OR52I1: variants seen among roughly 807,000 people sequenced by gnomAD.
OR52I1 encodes olfactory receptor family 52 subfamily I member 1, also known as olfactory receptor 52I1.
For synonymous variants in OR52I1, 148 were observed against 152.4 expected (o/e 0.97, Z 0.21); for missense variants, 342 against 399.1 (o/e 0.86, Z 1.22).
Position 4,594,179 on chromosome 11 carries a change from C to T in OR52I1, c.141C>T (p.Thr47=). 2.5e-6 allele frequency: 4 copies of T among 1,614,030 alleles called. No individual in the cohort carries two copies. Among genetic ancestry groups the T allele is most frequent in the South Asian group, 1.1e-5 (1 of 91,070 alleles). The part of the protein sequence containing the change: ...AMYITALLGN[T]LIVTAIWMDS... ...ACATCACAGCCCTGTTAGGAAACAC[C>T]CTCATCGTGACTGCAATCTGGATGG... The change falls in exon 1 of 1, where the codon ACC becomes ACT. Residue 47 remains threonine, a synonymous_variant. Transcript: ENST00000530443.
At position 4,594,478 on chromosome 11, in the gene OR52I1, G is replaced by C; in HGVS notation, c.440G>C (p.Gly147Ala). The C allele has an allele frequency of 3.7e-6, 6 of 1,614,186 alleles. No homozygotes were observed. Among genetic ancestry groups the C allele is most frequent in the Middle Eastern group, 1.6e-4 (1 of 6,062 alleles). Residue 147 changes from glycine to alanine, a missense_variant, in exon 1 of 1, where the codon GGA (glycine) becomes GCA (alanine). By Grantham distance (60) the Gly-to-Ala change is moderately conservative. Transcript: ENST00000530443. ...ATTCTCACGCCTCAAGTGATGCTGG[G>C]AATGAGTATGGCCGTCACCATCAGA... ...KRILTPQVML[G>A]MSMAVTIRAV... is the part of the protein sequence containing the mutation.
rs202168611 is a variant in OR52I1 at position 4,594,460 on chromosome 11, C to T, written c.422C>T (p.Thr141Met). 130 of 1,613,992 alleles carry T rather than the reference C, an allele frequency of 8.1e-5. No individual in the cohort carries two copies. Among genetic ancestry groups the T allele is most frequent in the South Asian group, 2.6e-4 (24 of 91,070 alleles). ...CCTCTACACTACAAGAGAATTCTCACGCCTCAAGTGATGCTGGGAATGAGT... is the reference window on the plus strand; with the variant it reads ...CCTCTACACTACAAGAGAATTCTCATGCCTCAAGTGATGCTGGGAATGAGT... ...CKPLHYKRIL[T>M]PQVMLGMSMA... Residue 141 changes from threonine (T) to methionine (M), a missense_variant, in exon 1 of 1, where the codon ACG becomes ATG. Transcript: ENST00000530443.
At position 4,594,868 on chromosome 11, in the gene OR52I1, C is replaced by A; in HGVS notation, c.830C>A (p.Thr277Asn). 6.2e-7 allele frequency: 1 copy of A among 1,614,250 alleles called. No homozygotes were observed. The highest frequency in any genetic ancestry group is 8.5e-7 in the Non-Finnish European group (1 of 1,180,048). Residue 277 changes from threonine to asparagine, a missense_variant, in exon 1 of 1, where the codon ACC (threonine) becomes AAC (asparagine). Thr to Asn is a moderately conservative substitution (Grantham distance 65). Coordinates refer to ENST00000530443, the MANE Select transcript of OR52I1 (RefSeq NM_001005169.1). ...WLGQDIVPLHTQVLLADLYVI... is the reference protein window; with the variant it reads ...WLGQDIVPLHNQVLLADLYVI... Reference sequence around the variant, plus strand: ...GGGCAGGATATAGTGCCCTTGCACACCCAAGTGCTGCTAGCTGACCTGTAC... The same window carrying A: ...GGGCAGGATATAGTGCCCTTGCACAACCAAGTGCTGCTAGCTGACCTGTAC...
chr11:4,594,840 T>C lies in OR52I1; in HGVS notation c.802T>C (p.Leu268=), dbSNP rs1056909628. ...PGMASIYAAW[L]GQDIVPLHTQ... The stretch of plus-strand genomic sequence containing the variant: ...GATGGCATCCATCTATGCGGCCTGG[T>C]TGGGGCAGGATATAGTGCCCTTGCA... Residue 268 remains leucine, a synonymous_variant, in exon 1 of 1, where the codon TTG becomes CTG. Transcript: ENST00000530443. 3 of 1,614,128 alleles carry C rather than the reference T, an allele frequency of 1.9e-6. No homozygotes were observed. In the East Asian group the frequency reaches 6.7e-5, roughly 36 times the overall value.
In OR52I1 at chr11:4,594,833, G is replaced by T. The variant is rs367932093; in HGVS notation, c.795G>T (p.Ala265=). ...YYLPGMASIY[A]AWLGQDIVPL... is the part of the protein sequence containing the mutation. ...TACCTGGGATGGCATCCATCTATGC[G>T]GCCTGGTTGGGGCAGGATATAGTGC... is the stretch of plus-strand genomic sequence containing the variant. Residue 265 remains alanine, a synonymous_variant, in exon 1 of 1, where the codon GCG becomes GCT. Transcript: ENST00000530443. 1 of 1,614,196 alleles carries T rather than the reference G, an allele frequency of 6.2e-7. No homozygotes were observed. The highest frequency in any genetic ancestry group is 2.2e-5 in the East Asian group (1 of 44,882).
At position 4,594,806 on chromosome 11, in the gene OR52I1, T is replaced by A; in HGVS notation, c.768T>A (p.Tyr256Ter). The change falls in exon 1 of 1, where the codon TAT becomes TAA. Residue 256 changes from tyrosine to a stop codon, truncating the protein, a stop_gained. Coordinates refer to ENST00000530443, the MANE Select transcript of OR52I1 (RefSeq NM_001005169.1). LOFTEE classifies it low-confidence loss of function (END_TRUNC). Reference sequence around the variant, plus strand: ...ATGTGGGGGTTATGGCTTTGTACTATCTACCTGGGATGGCATCCATCTATG... The same window carrying A: ...ATGTGGGGGTTATGGCTTTGTACTAACTACCTGGGATGGCATCCATCTATG... ...GSHVGVMALY[Y>*]LPGMASIYAA... The A allele has an allele frequency of 6.2e-7, 1 of 1,614,234 alleles. No individual in the cohort carries two copies. Among genetic ancestry groups the A allele is most frequent in the Non-Finnish European group, 8.5e-7 (1 of 1,180,038 alleles).
Position 4,594,985 on chromosome 11 carries a change from T to G in OR52I1, c.947T>G (p.Leu316Arg). Residue 316 changes from leucine to arginine, a missense_variant, in exon 1 of 1, where the codon CTC becomes CGC. Leu to Arg is a moderately radical substitution (Grantham distance 102). Coordinates refer to ENST00000530443, the MANE Select transcript of OR52I1 (RefSeq NM_001005169.1). The stretch of plus-strand genomic sequence containing the variant: ...ATATGGAGTTATCTGATGCACTTCC[T>G]CTTTGACCACTCCAACCTGGGTTCA... ...EGIWSYLMHF[L>R]FDHSNLGS The G allele has an allele frequency of 6.2e-7, 1 of 1,614,006 alleles. No individual in the cohort carries two copies. Among genetic ancestry groups the G allele is most frequent in the Non-Finnish European group, 8.5e-7 (1 of 1,179,928 alleles).
Position 4,594,718 on chromosome 11 carries a change from G to C in OR52I1, c.680G>C (p.Arg227Thr). Reference sequence around the variant, plus strand: ...GCTGCCTCCTATATCTTAATTCTCAGGGCAGTATTTGATCTCTCCTCAAAG... The same window carrying C: ...GCTGCCTCCTATATCTTAATTCTCACGGCAGTATTTGATCTCTCCTCAAAG... ...FIAASYILIL[R>T]AVFDLSSKTA... The change falls in exon 1 of 1, where the codon AGG becomes ACG. Residue 227 changes from arginine (R) to threonine (T), a missense_variant. Coordinates refer to ENST00000530443, the MANE Select transcript of OR52I1 (RefSeq NM_001005169.1). The C allele has an allele frequency of 6.2e-7, 1 of 1,609,182 alleles. No homozygotes were observed. The highest frequency in any genetic ancestry group is 1.4e-5 in the African/African-American group (1 of 70,504).
chr11:4,594,889 T>A lies in OR52I1; in HGVS notation c.851T>A (p.Leu284Gln). ...PLHTQVLLADLYVIIPATLNP... is the reference protein window; with the variant it reads ...PLHTQVLLADQYVIIPATLNP... ...CACACCCAAGTGCTGCTAGCTGACC[T>A]GTACGTGATCATCCCAGCCACTTTA... Residue 284 changes from leucine to glutamine, a missense_variant, in exon 1 of 1, where the codon CTG becomes CAG. By Grantham distance (113) the Leu-to-Gln change is moderately radical (BLOSUM62 -2). Transcript: ENST00000530443. The A allele has an allele frequency of 6.2e-7, 1 of 1,614,228 alleles. No individual in the cohort carries two copies. Among genetic ancestry groups the A allele is most frequent in the Non-Finnish European group, 8.5e-7 (1 of 1,180,036 alleles).
Position 4,594,681 on chromosome 11 carries a change from G to A in OR52I1, c.643G>A (p.Val215Met), listed in dbSNP as rs933774732. Residue 215 changes from valine to methionine, a missense_variant, in exon 1 of 1, where the codon GTG becomes ATG. Val to Met is a conservative substitution (Grantham distance 21, BLOSUM62 1). Transcript: ENST00000530443. Reference sequence around the variant, plus strand: ...TTCCTCTCTTATGGTGGGCTCTGATGTGGCCTTCATTGCTGCCTCCTATAT... The same window carrying A: ...TTCCTCTCTTATGGTGGGCTCTGATATGGCCTTCATTGCTGCCTCCTATAT... ...IGSSLMVGSD[V>M]AFIAASYILI... The A allele has an allele frequency of 3.1e-6, 5 of 1,614,074 alleles. No homozygotes were observed. The Admixed American group carries it at 5.0e-5, about 16-fold the overall frequency.
Position 4,594,982 on chromosome 11 carries a change from T to C in OR52I1, c.944T>C (p.Phe315Ser), listed in dbSNP as rs1564862307. The C allele has an allele frequency of 4.3e-6, 7 of 1,614,104 alleles. No individual in the cohort carries two copies. The highest frequency in any genetic ancestry group is 5.9e-6 in the Non-Finnish European group (7 of 1,179,980). The change falls in exon 1 of 1, where the codon TTC becomes TCC. Residue 315 changes from phenylalanine to serine, a missense_variant. Phe to Ser is a radical substitution (Grantham distance 155). Transcript: ENST00000530443. Reference sequence around the variant, plus strand: ...GGAATATGGAGTTATCTGATGCACTTCCTCTTTGACCACTCCAACCTGGGT... The same window carrying C: ...GGAATATGGAGTTATCTGATGCACTCCCTCTTTGACCACTCCAACCTGGGT... Reference protein sequence around the residue: ...LEGIWSYLMHFLFDHSNLGS With the variant: ...LEGIWSYLMHSLFDHSNLGS
In OR52I1 at chr11:4,594,658, C is replaced by T; in HGVS notation, c.620C>T (p.Ser207Phe). The change falls in exon 1 of 1, where the codon TCC (serine) becomes TTC (phenylalanine). Residue 207 changes from serine (S) to phenylalanine (F), a missense_variant. Coordinates refer to ENST00000530443, the MANE Select transcript of OR52I1 (RefSeq NM_001005169.1). The part of the protein sequence containing the change: ...VPSSLYSLIG[S>F]SLMVGSDVAF... ...AGCAGTCTCTACAGTCTGATTGGTTCCTCTCTTATGGTGGGCTCTGATGTG... is the reference window on the plus strand; with the variant it reads ...AGCAGTCTCTACAGTCTGATTGGTTTCTCTCTTATGGTGGGCTCTGATGTG... 3 of 1,614,182 alleles carry T rather than the reference C, an allele frequency of 1.9e-6. No homozygotes were observed. Among genetic ancestry groups the T allele is most frequent in the Non-Finnish European group, 2.5e-6 (3 of 1,180,024 alleles).
At position 4,594,104 on chromosome 11, in the gene OR52I1, A is replaced by C; in HGVS notation, c.66A>C (p.Pro22=). ...CCTCCTTCCTCCTTGTGGGTATCCC[A>C]GGACTGCAATCTTCACATCTTTGGC... ...TPASFLLVGI[P]GLQSSHLWLA... is the part of the protein sequence containing the mutation. The change falls in exon 1 of 1, where the codon CCA becomes CCC. Residue 22 remains proline (P), a synonymous_variant. Coordinates refer to ENST00000530443, the MANE Select transcript of OR52I1 (RefSeq NM_001005169.1). 6.2e-7 allele frequency: 1 copy of C among 1,614,132 alleles called. No individual in the cohort carries two copies. The highest frequency in any genetic ancestry group is 8.5e-7 in the Non-Finnish European group (1 of 1,179,998).
Position 4,594,227 on chromosome 11 carries a change from G to A in OR52I1, c.189G>A (p.Met63Ile), listed in dbSNP as rs1448518671. ...TGGATTCCACTCGGCATGAGCCCAT[G>A]TATTGCTTTCTGTGTGTTCTGGCTG... ...IWMDSTRHEP[M>I]YCFLCVLAAV... Residue 63 changes from methionine to isoleucine, a missense_variant, in exon 1 of 1, where the codon ATG becomes ATA. Met to Ile is a conservative substitution (Grantham distance 10, BLOSUM62 1). Coordinates refer to ENST00000530443, the MANE Select transcript of OR52I1 (RefSeq NM_001005169.1). 1.2e-6 allele frequency: 2 copies of A among 1,614,146 alleles called. No individual in the cohort carries two copies. The highest frequency in any genetic ancestry group is 1.7e-6 in the Non-Finnish European group (2 of 1,180,012).
rs201322961 is a variant in OR52I1, at chr11:4,594,838, G to A, written c.800G>A (p.Trp267Ter). ...GGGATGGCATCCATCTATGCGGCCTGGTTGGGGCAGGATATAGTGCCCTTG... is the reference window on the plus strand; with the variant it reads ...GGGATGGCATCCATCTATGCGGCCTAGTTGGGGCAGGATATAGTGCCCTTG... ...LPGMASIYAA[W>*]LGQDIVPLHT... The change falls in exon 1 of 1, where the codon TGG (tryptophan) becomes TAG (stop). Residue 267 changes from tryptophan to a stop codon, truncating the protein, a stop_gained. Coordinates refer to ENST00000530443, the MANE Select transcript of OR52I1 (RefSeq NM_001005169.1). LOFTEE classifies it low-confidence loss of function (END_TRUNC). 22 of 1,614,140 alleles carry A rather than the reference G, an allele frequency of 1.4e-5. No individual in the cohort carries two copies. The African/African-American group carries it at 2.8e-4, about 21-fold the overall frequency.
In OR52I1 at chr11:4,594,502, G is replaced by A. The variant is rs756807628; in HGVS notation, c.464G>A (p.Arg155Lys). Residue 155 changes from arginine (R) to lysine (K), a missense_variant, in exon 1 of 1, where the codon AGA (arginine) becomes AAA (lysine). By Grantham distance (26) the Arg-to-Lys change is conservative (BLOSUM62 2). Transcript: ENST00000530443. ...MLGMSMAVTI[R>K]AVTFMTPLSW... is the part of the protein sequence containing the mutation. ...GGAATGAGTATGGCCGTCACCATCAGAGCTGTCACATTCATGACTCCACTG... is the reference window on the plus strand; with the variant it reads ...GGAATGAGTATGGCCGTCACCATCAAAGCTGTCACATTCATGACTCCACTG... The A allele has an allele frequency of 1.2e-6, 2 of 1,614,230 alleles. No individual in the cohort carries two copies. Among genetic ancestry groups the A allele is most frequent in the South Asian group, 1.1e-5 (1 of 91,082 alleles).
chr11:4,594,502 G>C lies in OR52I1; in HGVS notation c.464G>C (p.Arg155Thr). ...MLGMSMAVTI[R>T]AVTFMTPLSW... ...GGAATGAGTATGGCCGTCACCATCA[G>C]AGCTGTCACATTCATGACTCCACTG... Residue 155 changes from arginine (R) to threonine (T), a missense_variant, in exon 1 of 1, where the codon AGA (arginine) becomes ACA (threonine). Coordinates refer to ENST00000530443, the MANE Select transcript of OR52I1 (RefSeq NM_001005169.1). 1 of 1,614,230 alleles carries C rather than the reference G, an allele frequency of 6.2e-7. No individual in the cohort carries two copies. Among genetic ancestry groups the C allele is most frequent in the South Asian group, 1.1e-5 (1 of 91,082 alleles).
Position 4,595,003 on chromosome 11 carries a change from TG to T in OR52I1, c.968del (p.Gly323ValfsTer?). On this transcript the variant is annotated frameshift_variant, in exon 1 of 1. Coordinates refer to ENST00000530443, the MANE Select transcript of OR52I1 (RefSeq NM_001005169.1). LOFTEE classifies it high-confidence loss of function. ...LMHFLFDHSN[L>X]GS The stretch of plus-strand genomic sequence containing the variant: ...CACTTCCTCTTTGACCACTCCAACC[TG>T]GGTTCATGAACACAATATCTGTTCA... 2 of 1,612,776 alleles carry T rather than the reference TG, an allele frequency of 1.2e-6. No individual in the cohort carries two copies. Among genetic ancestry groups the T allele is most frequent in the Non-Finnish European group, 1.7e-6 (2 of 1,179,226 alleles).
rs750985637 is a variant in OR52I1 at position 4,594,073 on chromosome 11, C to T, written c.35C>T (p.Thr12Ile). Residue 12 changes from threonine to isoleucine, a missense_variant, in exon 1 of 1, where the codon ACC becomes ATC. Coordinates refer to ENST00000530443, the MANE Select transcript of OR52I1 (RefSeq NM_001005169.1). ...LGPAYNHTME[T>I]PASFLLVGIP... Reference sequence around the variant, plus strand: ...CCAGCTTACAACCACACAATGGAAACCCCTGCCTCCTTCCTCCTTGTGGGT... The same window carrying T: ...CCAGCTTACAACCACACAATGGAAATCCCTGCCTCCTTCCTCCTTGTGGGT... The T allele has an allele frequency of 8.1e-6, 13 of 1,614,056 alleles. No homozygotes were observed. Among genetic ancestry groups the T allele is most frequent in the Admixed American group, 6.7e-5 (4 of 60,006 alleles).
Sources: gnomAD v4.1 joint callset for allele counts on GRCh38, gnomAD v4.1.1 for gene constraint, MANE v1.5 for transcripts, NCBI Gene and HGNC (gene_info 2026-07-23, HGNC 2026-07-21) for gene names.